Variants in EML5 observed in about 807,000 individuals in gnomAD.
EML5 encodes EMAP like 5, also known as echinoderm microtubule-associated protein-like 5.
In EML5, 120 loss-of-function variants were observed where a neutral mutation model predicts 250.0. That is an observed-to-expected ratio of 0.48 (90% CI 0.41 to 0.56). The LOEUF (loss-of-function observed/expected upper bound fraction) is 0.56. Among genes scored for constraint, EML5 ranks in the 20% least tolerant of loss-of-function variants. EML5 has a pLI of 0.00. For missense variants in EML5, 2,006 were observed against 2,437.6 expected (o/e 0.82, Z 3.73); for synonymous variants, 771 against 806.5 (o/e 0.96, Z 0.75).
At chr14:88,723,456 G>A (rs1191252959) in intron 8 of EML5, among the ~76,000 whole-genome samples, 2 of 152,180 alleles carry the variant, frequency 1.3e-5, no homozygotes, top group Non-Finnish European at 2.9e-5. Context: ...GTACAGGTGG[G>A]AAATGGGGAG....
At position 88,644,527 on chromosome 14, in the gene EML5, G is replaced by A. The variant is rs768130177; in HGVS notation, c.4029-16C>T. On this transcript the variant is annotated splice_polypyrimidine_tract_variant and intron_variant, in intron 29 of 43. Coordinates refer to ENST00000554922, the MANE Select transcript of EML5 (RefSeq NM_183387.3). Reference sequence around the variant, plus strand: ...CACTGGAGGCCTGCAACAGAGAAGTGGGGAGGAGGAAAGGCATGCAGCACT... The same window carrying A: ...CACTGGAGGCCTGCAACAGAGAAGTAGGGAGGAGGAAAGGCATGCAGCACT... 5 of 1,612,944 alleles carry A rather than the reference G, an allele frequency of 3.1e-6. No individual in the cohort carries two copies. The highest frequency in any genetic ancestry group is 4.2e-6 in the Non-Finnish European group (5 of 1,179,192).
intron 21 of EML5, among the ~76,000 whole-genome samples, chr14:88,675,183 C>T (rs1451391017): frequency 6.6e-6 from 1 of 152,224 alleles, no homozygotes; most frequent in East Asian, 1.9e-4. Flanking sequence ...CTAGGCGGTG[C>T]CCCAGTAGGG....
intron 1 of EML5, among the ~76,000 whole-genome samples, chr14:88,762,959 A>G (rs763325164): frequency 5.9e-5 from 9 of 152,228 alleles, no homozygotes; most frequent in Non-Finnish European, 1.2e-4. Context: ...TTTGAAACCA[A>G]TGAGAACAAA....
intron 8 of EML5, among the ~76,000 whole-genome samples, chr14:88,724,708 G>T (rs1456246068): frequency 6.6e-6 from 1 of 152,082 alleles, no homozygotes; most frequent in South Asian, 2.1e-4. Context: ...AGTTCTTACA[G>T]AAAAGAAAAA....
chr14:88,615,952 A>T, intron 43 of EML5, 98 bp from the exon 44 acceptor site: 4 of 1,411,898 alleles, frequency 2.8e-6, no homozygotes, highest in South Asian at 1.3e-5. Context: ...TACATGTGTA[A>T]TATTTTTCCT....
intron 1 of EML5, among the ~76,000 whole-genome samples, chr14:88,777,141 A>G (rs561041585): frequency 6.6e-6 from 1 of 152,304 alleles, no homozygotes; most frequent in South Asian, 2.1e-4. Context: ...CAAGGCATTT[A>G]ATAGTCGAAC....
chr14:88,667,745 G>A (rs1433877932), intron 21 of EML5, among the ~76,000 whole-genome samples: 1 of 152,180 alleles, frequency 6.6e-6, no homozygotes, highest in Non-Finnish European at 1.5e-5. Context: ...GGGCCTGATG[G>A]CATTCACCAG....
chr14:88,735,406 C>A (rs1015444778), intron 7 of EML5, among the ~76,000 whole-genome samples: 5 of 152,054 alleles, frequency 3.3e-5, no homozygotes, highest in Non-Finnish European at 5.9e-5. Context: ...AGAAAATAGG[C>A]AAACAGCTTG....
chr14:88,626,362 C>T (rs1208155372), intron 35 of EML5: 2 of 157,998 alleles, frequency 1.3e-5, no homozygotes, highest in Non-Finnish European at 2.8e-5. Context: ...TGGCTCATGC[C>T]TGTAAACCCA....
intron 3 of EML5, among the ~76,000 whole-genome samples, chr14:88,744,649 C>T (rs111328092): frequency 7.2e-5 from 11 of 152,004 alleles, no homozygotes; most frequent in African/African-American, 2.2e-4. Context: ...ACATGCAAAA[C>T]ATTTTGTTAC....
intron 1 of EML5, among the ~76,000 whole-genome samples, chr14:88,773,011 A>C (rs2094409921): frequency 6.6e-6 from 1 of 152,016 alleles, no homozygotes; most frequent in Non-Finnish European, 1.5e-5. Context: ...TCTGTCCATT[A>C]CTCTAATTAT....
rs200490283 is a variant in EML5, at chr14:88,746,164, A to T, written c.456+21T>A. On this transcript the variant is annotated intron_variant, in intron 3 of 43. Coordinates refer to ENST00000554922, the MANE Select transcript of EML5 (RefSeq NM_183387.3). ...CTTTCCCTTCCAGTACTCATTAGAA[A>T]TCTCAAAAGAGAATACTTACTCTAT... 29 of 1,584,840 alleles carry T rather than the reference A, an allele frequency of 1.8e-5. 1 individual carries two copies. The Middle Eastern group carries it at 1.2e-3, about 64-fold the overall frequency.
At chr14:88,766,509 T>C (rs7141671) in intron 1 of EML5, among the ~76,000 whole-genome samples, 97,146 of 151,944 alleles carry the variant, frequency 0.64, 33,064 homozygotes, top group East Asian at 0.94. Context: ...AGGAAATTCC[T>C]GCCTAATAAA....
intron 21 of EML5, among the ~76,000 whole-genome samples, chr14:88,668,342 A>G (rs10136653): frequency 0.41 from 62,000 of 151,932 alleles, 14,995 homozygotes; most frequent in African/African-American, 0.66. Context: ...AAGAGATAGC[A>G]CTAGCAAAGG....
intron 21 of EML5, among the ~76,000 whole-genome samples, chr14:88,677,289 T>C (rs914031774): frequency 1.3e-5 from 2 of 152,094 alleles, no homozygotes; most frequent in Admixed American, 6.5e-5. Flanking sequence ...TTACACCTTA[T>C]ACAAAAATTA....
At chr14:88,660,294 A>G (rs1177859132) in intron 25 of EML5, among the ~76,000 whole-genome samples, 1 of 151,838 alleles carries the variant, frequency 6.6e-6, no homozygotes, top group African/African-American at 2.4e-5. Context: ...AAAAAAAAAA[A>G]AAAAGAAAGG....
intron 16 of EML5, among the ~76,000 whole-genome samples, chr14:88,694,918 T>C (rs1566648674): frequency 6.6e-6 from 1 of 152,060 alleles, no homozygotes; most frequent in Non-Finnish European, 1.5e-5. Flanking sequence ...AATATTACTA[T>C]AAAAAATACA....
intron 17 of EML5, among the ~76,000 whole-genome samples, chr14:88,692,585 T>C (rs1220864117): frequency 1.3e-5 from 2 of 152,192 alleles, no homozygotes; most frequent in South Asian, 4.1e-4. Flanking sequence ...AAGGGACTTG[T>C]GCAGCATGGA....
chr14:88,718,926 C>A (rs1316977559), intron 8 of EML5, among the ~76,000 whole-genome samples: 1 of 152,118 alleles, frequency 6.6e-6, no homozygotes, highest in Non-Finnish European at 1.5e-5. Flanking sequence ...TTGGAACTTA[C>A]TACTCCCAAG....
Sources: allele counts gnomAD v4.1 joint callset (sites outside exome capture counted in the v4.1 genomes callset), GRCh38; gene constraint gnomAD v4.1.1; transcripts MANE v1.5; gene names NCBI Gene and HGNC (gene_info 2026-07-23, HGNC 2026-07-21).